The following ELP4 variants were observed in gnomAD, a reference collection of about 807,000 sequenced individuals.
The protein encoded by ELP4 is elongator complex protein 4.
ELP4 carries 51 observed loss-of-function variants against 48.9 expected under a neutral mutation model. The ratio of observed to expected loss-of-function variants is 1.04; its 90% CI spans 0.83 to 1.32. ELP4 has a LOEUF of 1.32. Among genes scored for constraint, ELP4 ranks in the 40% most tolerant of loss-of-function variants. The pLI is 0.00. For missense variants in ELP4, 519 were observed against 514.6 expected, an observed-to-expected ratio of 1.01 and a Z score of -0.08; for synonymous variants, 210 against 189.2, an observed-to-expected ratio of 1.11 and a Z score of -0.90.
chr11:31,512,406 A>T (rs900300889), intron 1 of ELP4: 5 of 152,208 alleles, frequency 3.3e-5, no homozygotes, highest in African/African-American at 1.2e-4. Flanking sequence ...TAGTCATTTG[A>T]TGATACACTG....
chr11:31,645,420 A>C (rs1224047160), intron 7 of ELP4, among the ~76,000 whole-genome samples: 2 of 151,828 alleles, frequency 1.3e-5, no homozygotes, highest in Non-Finnish European at 2.9e-5. Context: ...ATCCTCTTTG[A>C]AATAAGCAAA....
chr11:31,705,145 T>G (rs1273684367), intron 9 of ELP4, among the ~76,000 whole-genome samples: 1 of 152,180 alleles, frequency 6.6e-6, no homozygotes, highest in African/African-American at 2.4e-5. Context: ...AACAGAAGTT[T>G]ATTTGGCTCA....
intron 2 of ELP4, among the ~76,000 whole-genome samples, chr11:31,530,385 T>A (rs1956374181): frequency 1.3e-5 from 2 of 152,150 alleles, no homozygotes; most frequent in Admixed American, 6.5e-5. Flanking sequence ...ACTGTTTACG[T>A]ACACAAAGAA....
chr11:31,527,532 C>T (rs1592084769), intron 2 of ELP4, among the ~76,000 whole-genome samples: 2 of 152,188 alleles, frequency 1.3e-5, no homozygotes, highest in African/African-American at 2.4e-5. Context: ...TAACAGGTGA[C>T]ACATGCCAGA....
chr11:31,614,662 G>A (rs1958042736), intron 5 of ELP4, among the ~76,000 whole-genome samples: 1 of 152,098 alleles, frequency 6.6e-6, no homozygotes, highest in South Asian at 2.1e-4. Context: ...ACCAGTAGTG[G>A]GGATGATCAA....
At chr11:31,547,558 C>G (rs1956753360) in intron 3 of ELP4, among the ~76,000 whole-genome samples, 1 of 152,070 alleles carries the variant, frequency 6.6e-6, no homozygotes, top group African/African-American at 2.4e-5. Flanking sequence ...ACCAGAGGTA[C>G]AAGGAGGAAC....
intron 9 of ELP4, among the ~76,000 whole-genome samples, chr11:31,723,755 T>C (rs1396847526): frequency 3.3e-5 from 5 of 152,268 alleles, no homozygotes; most frequent in Admixed American, 2.6e-4. Context: ...AAGATTCTTA[T>C]AGGAGAACTG....
chr11:31,790,118 A>AAAAAAAAAAT lies in ELP4; in HGVS notation c.*6596_*6597insAAAAAAATAA. The AAAAAAAAAAT allele has an allele frequency of 2.6e-6, 2 of 779,400 alleles. No homozygotes were observed. Among genetic ancestry groups the AAAAAAAAAAT allele is most frequent in the Non-Finnish European group, 2.1e-6 (1 of 477,060 alleles). The allele number at this position is 779,400 out of a possible 1,614,324, so 48.3% of individuals were successfully genotyped here. ...TTTACAAAAAAAAAAAAAAAAAAAAAAACTAATACTTTCTAACATTTTTTA... is the reference window on the plus strand; with the variant it reads ...TTTACAAAAAAAAAAAAAAAAAAAAAAAAAAAAAATAACTAATACTTTCTAACATTTTTTA... On this transcript the variant is annotated 3_prime_UTR_variant, in exon 10 of 10. Coordinates refer to ENST00000640961, the MANE Select transcript of ELP4 (RefSeq NM_019040.5).
chr11:31,533,110 A>G (rs1956426749), intron 2 of ELP4, among the ~76,000 whole-genome samples: 1 of 152,004 alleles, frequency 6.6e-6, no homozygotes. Flanking sequence ...TATATTGCAC[A>G]GTGGTGAAGT....
chr11:31,660,243 C>T (rs1310238634), intron 9 of ELP4, among the ~76,000 whole-genome samples: 3 of 152,070 alleles, frequency 2.0e-5, no homozygotes, highest in Non-Finnish European at 2.9e-5. Flanking sequence ...ATATTTCTGC[C>T]GGATCCATAA....
intron 3 of ELP4, among the ~76,000 whole-genome samples, chr11:31,548,438 G>A (rs2133922586): frequency 6.6e-6 from 1 of 151,752 alleles, no homozygotes; most frequent in African/African-American, 2.4e-5. Context: ...GGGATGTGAA[G>A]GACCTCTTCA....
intron 3 of ELP4, chr11:31,580,542 G>A (rs780185023): frequency 6.6e-6 from 1 of 152,198 alleles, no homozygotes; most frequent in Non-Finnish European, 1.5e-5. Flanking sequence ...CAAAGGTTCA[G>A]CTCTCATATA....
At chr11:31,612,862 ATTTG>A (rs1448195891) in intron 5 of ELP4, among the ~76,000 whole-genome samples, 1 of 152,152 alleles carries the variant, frequency 6.6e-6, no homozygotes, top group East Asian at 1.9e-4. Flanking sequence ...AGAAGCATGG[ATTTG>A]TTTGTTAGTT....
At chr11:31,742,588 C>T (rs1319799294) in intron 9 of ELP4, among the ~76,000 whole-genome samples, 3 of 152,132 alleles carry the variant, frequency 2.0e-5, no homozygotes, top group Non-Finnish European at 4.4e-5. Context: ...AGAGTGGGGG[C>T]CAATATTCAA....
At chr11:31,675,499 G>C (rs1337311958) in intron 9 of ELP4, among the ~76,000 whole-genome samples, 1 of 152,056 alleles carries the variant, frequency 6.6e-6, no homozygotes, top group Admixed American at 6.5e-5. Context: ...GACCTCAGGT[G>C]ATCCGCCCGC....
At chr11:31,604,059 A>G in intron 5 of ELP4, 152 bp downstream of exon 5, 2 of 577,464 alleles carry the variant, frequency 3.5e-6, no homozygotes, top group Non-Finnish European at 5.4e-6. Flanking sequence ...AAGTCTATGT[A>G]TTTTTCATAG....
intron 3 of ELP4, among the ~76,000 whole-genome samples, chr11:31,548,774 G>T (rs1956782446): frequency 6.6e-6 from 1 of 152,180 alleles, no homozygotes; most frequent in Non-Finnish European, 1.5e-5. Context: ...CATGGTACTG[G>T]TACCAAAACA....
At chr11:31,742,048 T>C (rs557534368) in intron 9 of ELP4, among the ~76,000 whole-genome samples, 1 of 152,138 alleles carries the variant, frequency 6.6e-6, no homozygotes, top group African/African-American at 2.4e-5. Context: ...GAAAAGTCCT[T>C]AAATCACCTG....
chr11:31,565,625 C>T (rs7113334), intron 3 of ELP4, among the ~76,000 whole-genome samples: 47,437 of 136,240 alleles, frequency 0.35, 11,488 homozygotes, highest in African/African-American at 0.69. Context: ...ATTTATTAAA[C>T]AGAGAATCCT....
Sources: gnomAD v4.1 joint callset for allele counts (sites outside exome capture counted in the v4.1 genomes callset) on GRCh38, gnomAD v4.1.1 for gene constraint, MANE v1.5 for transcripts, NCBI Gene and HGNC (gene_info 2026-07-23, HGNC 2026-07-21) for gene names.